Variants in MEGF10 observed in about 807,000 individuals in gnomAD.
MEGF10 encodes multiple epidermal growth factor-like domains protein 10.
In MEGF10, 86 loss-of-function variants were observed where a neutral mutation model predicts 147.5. That is an observed-to-expected ratio of 0.58 (90% CI 0.49 to 0.70). MEGF10 has a LOEUF of 0.70. MEGF10 is among the 30% of genes least tolerant of loss of function. MEGF10 has a pLI of 0.00. For synonymous variants in MEGF10, 478 were observed against 525.5 expected (o/e 0.91, Z 1.24); for missense variants, 1,329 against 1,487.3 (o/e 0.89, Z 1.75).
chr5:127,335,729 C>T (rs1761444152), intron 2 of MEGF10, among the ~76,000 whole-genome samples: 1 of 151,872 alleles, frequency 6.6e-6, no homozygotes, highest in African/African-American at 2.4e-5. Context: ...ATTATTATAA[C>T]CTAAGAATTT....
the MEGF10 span, among the ~76,000 whole-genome samples, chr5:127,269,584 C>T: frequency 3.3e-5 from 5 of 152,118 alleles, no homozygotes; most frequent in Admixed American, 2.6e-4. Flanking sequence ...AAATATAGGA[C>T]TATGTGAAAA....
At chr5:127,269,337 C>T in the MEGF10 span, among the ~76,000 whole-genome samples, 135 of 152,162 alleles carry the variant, frequency 8.9e-4, 1 homozygote, top group South Asian at 0.013. Context: ...TTAAAAACCT[C>T]GAAAAAATGT....
chr5:127,299,046 T>A (rs545488980), intron 1 of MEGF10, among the ~76,000 whole-genome samples: 1 of 152,308 alleles, frequency 6.6e-6, no homozygotes, highest in East Asian at 1.9e-4. Context: ...GACATGGCGT[T>A]GGGGGAACAC....
intron 4 of MEGF10, among the ~76,000 whole-genome samples, chr5:127,349,040 G>A (rs972368420): frequency 6.6e-6 from 1 of 152,062 alleles, no homozygotes; most frequent in African/African-American, 2.4e-5. Flanking sequence ...GTATTAGTAA[G>A]ATTAAACTTT....
chr5:127,356,857 A>G (rs1762296901), intron 4 of MEGF10, among the ~76,000 whole-genome samples: 1 of 152,192 alleles, frequency 6.6e-6, no homozygotes, highest in East Asian at 1.9e-4. Context: ...GCTTCAGCCT[A>G]TTAAAGGCTC....
At chr5:127,315,014 T>TA (rs959627590) in intron 1 of MEGF10, among the ~76,000 whole-genome samples, 12 of 151,652 alleles carry the variant, frequency 7.9e-5, no homozygotes, top group African/African-American at 1.7e-4. Flanking sequence ...CTTTGAATCT[T>TA]AAAAAAAAGG....
chr5:127,368,586 C>T (rs1183048473), intron 4 of MEGF10, among the ~76,000 whole-genome samples: 2 of 152,160 alleles, frequency 1.3e-5, no homozygotes, highest in Non-Finnish European at 1.5e-5. Context: ...AAACACTGCA[C>T]CCAACAGAAC....
chr5:127,229,457 CGAGG>C, the MEGF10 span: 1 of 151,878 alleles, frequency 6.6e-6, no homozygotes, highest in African/African-American at 2.4e-5. Flanking sequence ...CTCGCCGGGT[CGAGG>C]CCTCCCGGGC....
chr5:127,375,106 A>G (rs923760374), intron 5 of MEGF10, among the ~76,000 whole-genome samples: 1 of 152,100 alleles, frequency 6.6e-6, no homozygotes, highest in Admixed American at 6.6e-5. Context: ...CAGCAACCCA[A>G]TTTTCCCTTG....
intron 18 of MEGF10, among the ~76,000 whole-genome samples, chr5:127,442,577 A>G (rs552666959): frequency 2.0e-5 from 3 of 152,338 alleles, no homozygotes; most frequent in East Asian, 1.9e-4. Flanking sequence ...CTGAGCCTAC[A>G]GTAAAATATA....
the MEGF10 span, among the ~76,000 whole-genome samples, chr5:127,265,444 A>G: frequency 6.6e-6 from 1 of 152,080 alleles, no homozygotes; most frequent in African/African-American, 2.4e-5. Context: ...CAGTAATGGG[A>G]TGGCTGGGTC....
chr5:127,417,377 AG>A (rs1214981261), intron 9 of MEGF10, among the ~76,000 whole-genome samples: 1 of 152,256 alleles, frequency 6.6e-6, no homozygotes, highest in Non-Finnish European at 1.5e-5. Flanking sequence ...AGAATTAAAA[AG>A]AATTTCAGAC....
chr5:127,360,254 G>A (rs752070994), intron 4 of MEGF10, among the ~76,000 whole-genome samples: 4 of 152,018 alleles, frequency 2.6e-5, no homozygotes, highest in Non-Finnish European at 5.9e-5. Context: ...CATATTTTTT[G>A]AGGTTATTGT....
intron 4 of MEGF10, among the ~76,000 whole-genome samples, chr5:127,345,086 A>G (rs1387443511): frequency 6.6e-6 from 1 of 152,200 alleles, no homozygotes; most frequent in Non-Finnish European, 1.5e-5. Context: ...GTAGATTCAC[A>G]TGGAAACTGT....
the MEGF10 span, among the ~76,000 whole-genome samples, chr5:127,265,260 T>C: frequency 1.3e-5 from 2 of 152,220 alleles, no homozygotes; most frequent in Non-Finnish European, 2.9e-5. Flanking sequence ...TCCTTTTTTT[T>C]CTGGCTGCAT....
chr5:127,415,912 A>AG (rs1183857708), intron 9 of MEGF10, among the ~76,000 whole-genome samples: 3 of 151,844 alleles, frequency 2.0e-5, no homozygotes, highest in Non-Finnish European at 4.4e-5. Context: ...AAAAAAAAAA[A>AG]AAAAAGAATA....
chr5:127,382,088 C>T (rs1281132606), intron 5 of MEGF10, among the ~76,000 whole-genome samples: 1 of 152,158 alleles, frequency 6.6e-6, no homozygotes, highest in Non-Finnish European at 1.5e-5. Flanking sequence ...GTCAGAATTT[C>T]CCCCCAAAAG....
At chr5:127,375,418 A>T (rs1762988166) in intron 5 of MEGF10, among the ~76,000 whole-genome samples, 1 of 152,232 alleles carries the variant, frequency 6.6e-6, no homozygotes, top group African/African-American at 2.4e-5. Context: ...ATAAAAAACC[A>T]GGTATGTCAG....
At chr5:127,314,209 A>G (rs1580700376) in intron 1 of MEGF10, among the ~76,000 whole-genome samples, 2 of 151,846 alleles carry the variant, frequency 1.3e-5, no homozygotes, top group East Asian at 3.9e-4. Flanking sequence ...TGATCTCTTG[A>G]CTCTCCTCAA....
Sources: gnomAD v4.1 joint callset for allele counts (sites outside exome capture counted in the v4.1 genomes callset) on GRCh38, gnomAD v4.1.1 for gene constraint, MANE v1.5 for transcripts, NCBI Gene and HGNC (gene_info 2026-07-23, HGNC 2026-07-21) for gene names.